PCDH9: variants seen among roughly 807,000 people sequenced by gnomAD.
PCDH9 encodes the protein protocadherin-9.
A neutral mutation model predicts 70.6 loss-of-function variants in PCDH9; 24 were observed. The observed-to-expected ratio is 0.34, with a 90% CI of 0.25 to 0.48. The LOEUF (loss-of-function observed/expected upper bound fraction) is 0.48. Ranked by LOEUF, PCDH9 falls within the 20% of genes least tolerant of loss-of-function variation. The pLI, the probability that PCDH9 is intolerant of heterozygous loss-of-function variation, is 0.99. For missense variants in PCDH9, 1,281 were observed against 1,503.6 expected, an observed-to-expected ratio of 0.85 and a Z score of 2.45; for synonymous variants, 562 against 558.5, an observed-to-expected ratio of 1.01 and a Z score of -0.09.
chr13:66,871,140 A>G (rs1210750243), intron 3 of PCDH9, among the ~76,000 whole-genome samples: 1 of 151,814 alleles, frequency 6.6e-6, no homozygotes, highest in Non-Finnish European at 1.5e-5. Flanking sequence ...TCGCAAGAAC[A>G]AAAAACCAAG....
intron 2 of PCDH9, among the ~76,000 whole-genome samples, chr13:67,093,985 C>T (rs923857414): frequency 1.3e-5 from 2 of 152,116 alleles, no homozygotes; most frequent in African/African-American, 4.8e-5. Flanking sequence ...GAATTTTCTA[C>T]TCTTCTTTTC....
At chr13:67,070,147 GT>G (rs1160701302) in intron 2 of PCDH9, among the ~76,000 whole-genome samples, 1 of 151,140 alleles carries the variant, frequency 6.6e-6, no homozygotes, top group Non-Finnish European at 1.5e-5. Flanking sequence ...TACATTTAGA[GT>G]TTTTTTAATG....
At chr13:66,910,140 C>T (rs939827831) in intron 2 of PCDH9, among the ~76,000 whole-genome samples, 2 of 152,286 alleles carry the variant, frequency 1.3e-5, no homozygotes, top group Non-Finnish European at 2.9e-5. Context: ...CCCTCAAAAG[C>T]ACTTCCTTTC....
intron 4 of PCDH9, among the ~76,000 whole-genome samples, chr13:66,563,611 T>G (rs567304369): frequency 6.6e-6 from 1 of 152,172 alleles, no homozygotes; most frequent in Non-Finnish European, 1.5e-5. Context: ...CCACTTACCA[T>G]GCTGGGTGTC....
At chr13:66,405,752 C>T (rs1957269653) in intron 4 of PCDH9, among the ~76,000 whole-genome samples, 1 of 152,116 alleles carries the variant, frequency 6.6e-6, no homozygotes, top group African/African-American at 2.4e-5. Context: ...CAGTATTTTC[C>T]AAATCTAACC....
intron 4 of PCDH9, among the ~76,000 whole-genome samples, chr13:66,353,103 C>G (rs977416923): frequency 7.2e-5 from 11 of 152,186 alleles, no homozygotes; most frequent in African/African-American, 2.7e-4. Flanking sequence ...ATTCAAGATT[C>G]AATGAAATTC....
intron 2 of PCDH9, chr13:67,204,919 C>G (rs1360793237): frequency 6.6e-6 from 1 of 152,144 alleles, no homozygotes; most frequent in African/African-American, 2.4e-5. Flanking sequence ...CAATTTGGCA[C>G]TCTTCCATGA....
At chr13:66,375,117 A>G (rs926704374) in intron 4 of PCDH9, among the ~76,000 whole-genome samples, 1 of 152,124 alleles carries the variant, frequency 6.6e-6, no homozygotes, top group Non-Finnish European at 1.5e-5. Flanking sequence ...CATAAATTTC[A>G]TTGCCAATAG....
intron 3 of PCDH9, among the ~76,000 whole-genome samples, chr13:66,709,360 G>T (rs1356680525): frequency 6.6e-6 from 1 of 152,102 alleles, no homozygotes; most frequent in Non-Finnish European, 1.5e-5. Flanking sequence ...TTGTATCATA[G>T]AAAATCATTA....
At chr13:66,459,923 A>G (rs1263937483) in intron 4 of PCDH9, among the ~76,000 whole-genome samples, 1 of 151,896 alleles carries the variant, frequency 6.6e-6, no homozygotes, top group Non-Finnish European at 1.5e-5. Flanking sequence ...GTAGAATATC[A>G]TTATCTAAGC....
intron 4 of PCDH9, among the ~76,000 whole-genome samples, chr13:66,525,867 T>C (rs1016221730): frequency 2.0e-5 from 3 of 152,150 alleles, no homozygotes; most frequent in Non-Finnish European, 4.4e-5. Flanking sequence ...CATACGTTCT[T>C]CACTTTATTC....
Position 66,675,228 on chromosome 13 carries a change from G to A in PCDH9, c.3139-43817C>T, listed in dbSNP as rs79279288. Among the ~76,000 whole-genome samples, 143 of 152,200 alleles carry A rather than the reference G, an allele frequency of 9.4e-4. 2 individuals are homozygous for A. Among genetic ancestry groups the A allele is most frequent in the Non-Finnish European group, 1.7e-3 (114 of 67,974 alleles). ...TAAAGAACAAAGTCACTAAACACAAGTGACAAAGAGTTATGTGTTCCTTTC... is the reference window on the plus strand; with the variant it reads ...TAAAGAACAAAGTCACTAAACACAAATGACAAAGAGTTATGTGTTCCTTTC... On this transcript the variant is annotated intron_variant, in intron 3 of 4. Transcript: ENST00000377865.
intron 4 of PCDH9, among the ~76,000 whole-genome samples, chr13:66,561,521 T>C (rs1962033531): frequency 1.3e-5 from 2 of 152,166 alleles, no homozygotes; most frequent in Admixed American, 6.5e-5. Flanking sequence ...CCTTTATGTC[T>C]AGCTAAGAGA....
intron 2 of PCDH9, among the ~76,000 whole-genome samples, chr13:66,916,858 A>G (rs2082566271): frequency 1.3e-5 from 2 of 151,608 alleles, no homozygotes; most frequent in African/African-American, 4.8e-5. Flanking sequence ...TAAACACAAT[A>G]AGGGAAGCTT....
intron 4 of PCDH9, among the ~76,000 whole-genome samples, chr13:66,362,713 T>A (rs923347794): frequency 3.3e-5 from 5 of 152,154 alleles, no homozygotes; most frequent in African/African-American, 1.2e-4. Context: ...ATTAAGGGTA[T>A]GTTTCTGTGT....
intron 3 of PCDH9, among the ~76,000 whole-genome samples, chr13:66,658,805 C>T (rs925386864): frequency 1.3e-5 from 2 of 151,964 alleles, no homozygotes; most frequent in Non-Finnish European, 2.9e-5. Context: ...ATGTTGATAT[C>T]CAAGAGGAGG....
chr13:67,148,838 T>A (rs1411118052), intron 2 of PCDH9, among the ~76,000 whole-genome samples: 1 of 152,190 alleles, frequency 6.6e-6, no homozygotes, highest in Non-Finnish European at 1.5e-5. Context: ...CCAGGATGAA[T>A]TTAACAAATA....
At chr13:67,063,752 T>C (rs954050744) in intron 2 of PCDH9, among the ~76,000 whole-genome samples, 6 of 152,164 alleles carry the variant, frequency 3.9e-5, no homozygotes, top group Non-Finnish European at 7.4e-5. Context: ...AGCTAAGACA[T>C]GGTTTTAATA....
chr13:66,396,973 CTT>C (rs1230980585), intron 4 of PCDH9, among the ~76,000 whole-genome samples: 1 of 152,068 alleles, frequency 6.6e-6, no homozygotes, highest in African/African-American at 2.4e-5. Flanking sequence ...AGGTACATAT[CTT>C]TGGAATCAAA....
Sources: allele counts gnomAD v4.1 joint callset (sites outside exome capture counted in the v4.1 genomes callset), GRCh38; gene constraint gnomAD v4.1.1; transcripts MANE v1.5; gene names NCBI Gene and HGNC (gene_info 2026-07-23, HGNC 2026-07-21).